The following MCOLN2 variants were observed in gnomAD, a reference collection of about 807,000 sequenced individuals.
MCOLN2 encodes mucolipin-2.
In MCOLN2, 57 loss-of-function variants were observed where a neutral mutation model predicts 67.5. The ratio of observed to expected loss-of-function variants is 0.84; its 90% CI spans 0.68 to 1.05. MCOLN2 has a LOEUF of 1.05. MCOLN2 is among the 50% of genes least tolerant of loss of function. The probability of loss-of-function intolerance (pLI) is 0.00; values close to 1 mark genes in which losing one functional copy is unlikely to be tolerated. For missense variants in MCOLN2, 620 were observed against 678.8 expected, an observed-to-expected ratio of 0.91 and a Z score of 0.96; for synonymous variants, 246 against 233.3, an observed-to-expected ratio of 1.05 and a Z score of -0.50.
At chr1:84,975,705 C>A (rs1271872842) in intron 1 of MCOLN2, among the ~76,000 whole-genome samples, 3 of 152,082 alleles carry the variant, frequency 2.0e-5, no homozygotes, top group Non-Finnish European at 4.4e-5. Context: ...GGGACCCAAT[C>A]TTGGAGAAAC....
intron 11 of MCOLN2, among the ~76,000 whole-genome samples, chr1:84,932,289 G>A (rs1647222196): frequency 6.6e-6 from 1 of 152,142 alleles, no homozygotes; most frequent in African/African-American, 2.4e-5. Context: ...CCAGCTCACT[G>A]CAACCTCTGC....
chr1:84,968,588 T>C (rs1366955419), intron 1 of MCOLN2, among the ~76,000 whole-genome samples: 2 of 152,218 alleles, frequency 1.3e-5, no homozygotes, highest in African/African-American at 2.4e-5. Flanking sequence ...ATGACATACA[T>C]ACATGTTGGT....
chr1:84,995,963 G>A (rs1027411970), intron 1 of MCOLN2, among the ~76,000 whole-genome samples: 1 of 152,020 alleles, frequency 6.6e-6, no homozygotes, highest in African/African-American at 2.4e-5. Context: ...TTAGAGTTCC[G>A]GCCACAGAAA....
chr1:84,943,008 G>T (rs895082834), intron 7 of MCOLN2, among the ~76,000 whole-genome samples: 4 of 152,082 alleles, frequency 2.6e-5, no homozygotes, highest in Non-Finnish European at 5.9e-5. Flanking sequence ...GCTAGTTTCA[G>T]GCATTCTGTT....
At chr1:84,950,069 C>T (rs569852264) in intron 6 of MCOLN2, among the ~76,000 whole-genome samples, 75 of 152,270 alleles carry the variant, frequency 4.9e-4, no homozygotes, top group African/African-American at 1.6e-3. Flanking sequence ...ATCTCTTAGT[C>T]CTCTAGTATG....
At chr1:84,974,427 T>C (rs1649896412) in intron 1 of MCOLN2, among the ~76,000 whole-genome samples, 1 of 151,510 alleles carries the variant, frequency 6.6e-6, no homozygotes, top group East Asian at 2.0e-4. Flanking sequence ...GGGAGGACTT[T>C]GTCTTGCATC....
chr1:84,952,186 A>G, intron 6 of MCOLN2, 57 bp downstream of exon 6: 1 of 1,236,088 alleles, frequency 8.1e-7, no homozygotes, highest in Non-Finnish European at 1.2e-6. Context: ...ACTCTGCATC[A>G]ACAAAAAGTG....
chr1:84,993,662 C>T (rs1288042769), intron 1 of MCOLN2, among the ~76,000 whole-genome samples: 4 of 139,280 alleles, frequency 2.9e-5, no homozygotes, highest in East Asian at 4.1e-4. Context: ...CTCGCTCTGT[C>T]GCCCAGGCCG....
At chr1:84,943,177 C>A (rs543935320) in intron 7 of MCOLN2, among the ~76,000 whole-genome samples, 1 of 152,006 alleles carries the variant, frequency 6.6e-6, no homozygotes, top group African/African-American at 2.4e-5. Context: ...AGCTAAGTTG[C>A]GGCAGAGTGA....
intron 7 of MCOLN2, among the ~76,000 whole-genome samples, chr1:84,941,275 T>G (rs1450044452): frequency 6.6e-6 from 1 of 152,128 alleles, no homozygotes; most frequent in Non-Finnish European, 1.5e-5. Context: ...GGTGGGCGGA[T>G]CACGAGGTCA....
At position 84,973,125 on chromosome 1, in the gene MCOLN2, C is replaced by T. The variant is rs1649778381; in HGVS notation, c.78-7417G>A. On this transcript the variant is annotated intron_variant, in intron 1 of 13. Coordinates refer to ENST00000370608, the MANE Select transcript of MCOLN2 (RefSeq NM_153259.4). ...TAGAAAATAGAGAAGTAAAGAATTC[C>T]CAAGATTTAATATATGAATTGTTAC... Among the ~76,000 whole-genome samples, 3 of 152,050 alleles carry T rather than the reference C, an allele frequency of 2.0e-5. No homozygotes were observed. In the East Asian group the frequency reaches 5.8e-4, roughly 29 times the overall value.
chr1:84,981,740 C>A (rs143736949), intron 1 of MCOLN2, among the ~76,000 whole-genome samples: 1 of 151,962 alleles, frequency 6.6e-6, no homozygotes, highest in African/African-American at 2.4e-5. Flanking sequence ...TGAATAAGAC[C>A]TAGTATTTGA....
At chr1:84,973,371 G>A (rs1022767981) in intron 1 of MCOLN2, among the ~76,000 whole-genome samples, 3 of 152,060 alleles carry the variant, frequency 2.0e-5, no homozygotes, top group Non-Finnish European at 2.9e-5. Context: ...CCAGCTACTC[G>A]GGAGGCAGAG....
intron 11 of MCOLN2, among the ~76,000 whole-genome samples, chr1:84,936,971 T>C (rs1166414154): frequency 1.3e-5 from 2 of 152,184 alleles, no homozygotes; most frequent in African/African-American, 4.8e-5. Flanking sequence ...CCCAGCAGAG[T>C]GTCTAACACA....
At chr1:84,988,015 G>T (rs1363466359) in intron 1 of MCOLN2, among the ~76,000 whole-genome samples, 1 of 152,040 alleles carries the variant, frequency 6.6e-6, no homozygotes, top group Admixed American at 6.6e-5. Flanking sequence ...CACCACTAAA[G>T]AACTTATTCA....
rs942930180 is a variant in MCOLN2, at chr1:84,925,619, A to G, written c.*1066T>C. On this transcript the variant is annotated 3_prime_UTR_variant, in exon 14 of 14. Transcript: ENST00000370608. Reference sequence around the variant, plus strand: ...AAATAAATTTATTTAGAGAAAATATATCATATTTCTTTTCTAGACAAAGGT... The same window carrying G: ...AAATAAATTTATTTAGAGAAAATATGTCATATTTCTTTTCTAGACAAAGGT... 5 of 152,238 alleles carry G rather than the reference A, an allele frequency of 3.3e-5. No individual in the cohort carries two copies. The highest frequency in any genetic ancestry group is 1.2e-4 in the African/African-American group (5 of 41,462). 9.4% of individuals were successfully genotyped at this position (152,238 alleles called of 1,614,324 possible).
At chr1:84,995,384 A>G (rs1030109790) in intron 1 of MCOLN2, among the ~76,000 whole-genome samples, 5 of 152,234 alleles carry the variant, frequency 3.3e-5, no homozygotes, top group Admixed American at 2.6e-4. Context: ...GCAAAGAACA[A>G]TAAAACAAGG....
chr1:84,930,746 C>A (rs988415796), intron 12 of MCOLN2, among the ~76,000 whole-genome samples: 2 of 152,142 alleles, frequency 1.3e-5, no homozygotes, highest in Non-Finnish European at 2.9e-5. Flanking sequence ...GTTTTTCAGT[C>A]ACTGACCCTG....
intron 11 of MCOLN2, among the ~76,000 whole-genome samples, chr1:84,935,506 A>G (rs1383953093): frequency 1.3e-5 from 2 of 152,232 alleles, no homozygotes; most frequent in Admixed American, 1.3e-4. Flanking sequence ...AGCTAGTCCA[A>G]ATTGAGACGT....
Sources: gnomAD v4.1 joint callset for allele counts (sites outside exome capture counted in the v4.1 genomes callset) on GRCh38, gnomAD v4.1.1 for gene constraint, MANE v1.5 for transcripts, NCBI Gene and HGNC (gene_info 2026-07-23, HGNC 2026-07-21) for gene names.